GEMIN5: variants seen among roughly 807,000 people sequenced by gnomAD.
GEMIN5 encodes gem-associated protein 5.
Under a neutral mutation model 176.9 loss-of-function variants are expected in GEMIN5, and 124 were observed. That is an observed-to-expected ratio of 0.70 (90% CI 0.61 to 0.81). The LOEUF is 0.81. Among genes scored for constraint, GEMIN5 ranks in the 40% least tolerant of loss-of-function variants. The pLI is 0.00. For synonymous variants in GEMIN5, 673 were observed against 665.2 expected (o/e 1.01, Z -0.18); for missense variants, 1,843 against 1,814.6 (o/e 1.02, Z -0.28).
At chr5:154,928,021 G>A (rs1448474874) in intron 6 of GEMIN5, among the ~76,000 whole-genome samples, 1 of 152,052 alleles carries the variant, frequency 6.6e-6, no homozygotes. Flanking sequence ...TCACAGAAAG[G>A]GGAACCAAGT....
chr5:154,931,477 C>A lies in GEMIN5; in HGVS notation c.762G>T (p.Trp254Cys). The A allele has an allele frequency of 6.2e-7, 1 of 1,612,368 alleles. No individual in the cohort carries two copies. The highest frequency in any genetic ancestry group is 8.5e-7 in the Non-Finnish European group (1 of 1,178,568). ...TGSKDQTIRI[W>C]SCSRGRGVMI... ...TCTTACCTCGGCCTCTAGAACAGCTCCAGATTCGAATGGTTTGATCTTTGC... is the reference window on the plus strand; with the variant it reads ...TCTTACCTCGGCCTCTAGAACAGCTACAGATTCGAATGGTTTGATCTTTGC... Residue 254 changes from tryptophan (W) to cysteine (C), a missense_variant, in exon 5 of 28, where the codon TGG becomes TGT. Trp to Cys is a radical substitution (Grantham distance 215, BLOSUM62 -2). Coordinates refer to ENST00000285873, the MANE Select transcript of GEMIN5 (RefSeq NM_015465.5).
Position 154,924,501 on chromosome 5 carries a change from T to C in GEMIN5, c.1347A>G (p.Gly449=), listed in dbSNP as rs748945297. 35 of 1,611,912 alleles carry C rather than the reference T, an allele frequency of 2.2e-5. No individual in the cohort carries two copies. The highest frequency in any genetic ancestry group is 3.0e-5 in the Non-Finnish European group (35 of 1,178,192). Residue 449 remains glycine, a synonymous_variant, in exon 9 of 28, where the codon GGA becomes GGG. Transcript: ENST00000285873. ...EGCLAFGTDD[G]KVGLYDTYSN... ...AGTAGGTGTCATACAATCCCACTTT[T>C]CCATCATCAGTTCCAAAAGCTAAGC... is the stretch of plus-strand genomic sequence containing the variant.
chr5:154,924,677 A>C, intron 8 of GEMIN5, 123 bp from the exon 9 acceptor site: 1 of 671,836 alleles, frequency 1.5e-6, no homozygotes, highest in Non-Finnish European at 2.6e-6. Flanking sequence ...TTCATTATTT[A>C]AAGGAGAAAA....
intron 3 of GEMIN5, among the ~76,000 whole-genome samples, chr5:154,934,374 C>T (rs1000850399): frequency 1.7e-4 from 26 of 152,082 alleles, no homozygotes; most frequent in African/African-American, 4.6e-4. Flanking sequence ...TTAATAGAGA[C>T]GGGGTTTCTC....
At chr5:154,917,277 T>C (rs1273484673) in intron 12 of GEMIN5, 98 bp from the exon 13 acceptor site, 4 of 587,456 alleles carry the variant, frequency 6.8e-6, no homozygotes, top group Non-Finnish European at 1.1e-5. Flanking sequence ...CAAGGAAAGA[T>C]GAGGTGGAAA....
In GEMIN5 at chr5:154,891,563, G is replaced by T. The variant is rs761914189; in HGVS notation, c.3940C>A (p.Pro1314Thr). ...RAGHRTLSVEPSQQLDTASTE... is the reference protein window; with the variant it reads ...RAGHRTLSVETSQQLDTASTE... ...CTGGCAGTGTCTAACTGCTGGCTTG[G>T]CTCAACAGAGAGTGTTCTGTGACCA... The change falls in exon 26 of 28, where the codon CCA (proline) becomes ACA (threonine). Residue 1314 changes from proline (P) to threonine (T), a missense_variant. Physicochemically the swap from Pro to Thr is conservative, Grantham distance 38. Transcript: ENST00000285873. 3 of 1,614,180 alleles carry T rather than the reference G, an allele frequency of 1.9e-6. No individual in the cohort carries two copies. The South Asian group carries it at 3.3e-5, about 18-fold the overall frequency.
In GEMIN5 at chr5:154,905,480, C is replaced by A; in HGVS notation, c.2396-4G>T. 1 of 1,416,486 alleles carries A rather than the reference C, an allele frequency of 7.1e-7. No individual in the cohort carries two copies. The allele number at this position is 1,416,486 out of a possible 1,614,324, so 87.7% of individuals were successfully genotyped here. A position where few individuals can be genotyped will look rare whatever the true frequency, so the allele number is the denominator to read the frequency against. On this transcript the variant is annotated splice_polypyrimidine_tract_variant and splice_region_variant and intron_variant, in intron 16 of 27. Coordinates refer to ENST00000285873, the MANE Select transcript of GEMIN5 (RefSeq NM_015465.5). ...CAGATAACTGGTTCTCTAGAAACTACATCATGGGGGAAAAAGGAAAAAAAA... is the reference window on the plus strand; with the variant it reads ...CAGATAACTGGTTCTCTAGAAACTAAATCATGGGGGAAAAAGGAAAAAAAA...
chr5:154,916,271 GA>G (rs149760614), intron 13 of GEMIN5, among the ~76,000 whole-genome samples: 1 of 151,804 alleles, frequency 6.6e-6, no homozygotes, highest in African/African-American at 2.4e-5. Flanking sequence ...TAAATTTAGA[GA>G]AAAAAACTGC....
intron 26 of GEMIN5, 33 bp from the exon 27 acceptor site, chr5:154,889,450 G>C: frequency 8.3e-7 from 1 of 1,210,300 alleles, no homozygotes. Context: ...TAAATTGTAT[G>C]TCTTGCCCTG....
rs1040919679 is a variant in GEMIN5, at chr5:154,892,903, C to G, written c.3598-354G>C. 2.0e-5 allele frequency among the ~76,000 whole-genome samples: 3 copies of G among 152,076 alleles called. No homozygotes were observed. The South Asian group carries it at 6.3e-4, about 32-fold the overall frequency. On this transcript the variant is annotated intron_variant, in intron 24 of 27. Transcript: ENST00000285873. ...CACAAGGTCAGGAGTTCAAGACCAG[C>G]CTGGCCAACATGGTGAAACCCCGCC...
chr5:154,888,479 TC>T (rs1328693354), intron 27 of GEMIN5, 102 bp from the exon 28 acceptor site: 172 of 915,112 alleles, frequency 1.9e-4, no homozygotes, highest in Non-Finnish European at 2.7e-4. Flanking sequence ...TATAGACACT[TC>T]TTGGACACAG....
Position 154,899,096 on chromosome 5 carries a change from C to T in GEMIN5, c.3134+95G>A, listed in dbSNP as rs1763413725. ...TTTTAAATAATTCCTTGCTGCTTTA[C>T]CTCCACCTCTAAACTTATTACTTGT... On this transcript the variant is annotated intron_variant, in intron 22 of 27. Transcript: ENST00000285873. 9.9e-6 allele frequency: 12 copies of T among 1,216,774 alleles called. No homozygotes were observed. The South Asian group carries it at 2.0e-4, about 20-fold the overall frequency. The allele number at this position is 1,216,774 out of a possible 1,614,324, so 75.4% of individuals were successfully genotyped here.
rs146357980 is a variant in GEMIN5, at chr5:154,891,606, G to T, written c.3897C>A (p.Ser1299=). The part of the protein sequence containing the change: ...WWSLSRPCPN[S]SVWVRAGHRT... ...TGTGACCAGCCCTTACCCAGACACTGGAATTTGGGCAAGGTCTGGAGAGAG... is the reference window on the plus strand; with the variant it reads ...TGTGACCAGCCCTTACCCAGACACTTGAATTTGGGCAAGGTCTGGAGAGAG... Residue 1299 remains serine (S), a synonymous_variant, in exon 26 of 28, where the codon TCC becomes TCA. Transcript: ENST00000285873. The T allele has an allele frequency of 6.2e-7, 1 of 1,613,980 alleles. No homozygotes were observed. Among genetic ancestry groups the T allele is most frequent in the African/African-American group, 1.3e-5 (1 of 74,876 alleles).
intron 11 of GEMIN5, 79 bp downstream of exon 11, chr5:154,919,888 A>C: frequency 1.6e-6 from 2 of 1,234,640 alleles, no homozygotes; most frequent in Non-Finnish European, 2.3e-6. Context: ...CTCCAATAAC[A>C]GCATTTATTT....
intron 13 of GEMIN5, among the ~76,000 whole-genome samples, chr5:154,915,991 T>C (rs1763801639): frequency 6.6e-6 from 1 of 152,160 alleles, no homozygotes; most frequent in Admixed American, 6.5e-5. Flanking sequence ...TGTCATTTAA[T>C]TGTGGAATGG....
intron 6 of GEMIN5, 145 bp downstream of exon 6, chr5:154,928,382 C>G (rs866227968): frequency 2.9e-4 from 204 of 707,884 alleles, no homozygotes; most frequent in Middle Eastern, 4.1e-4. Flanking sequence ...TAGTAGATAG[C>G]ACAGGCATTA....
rs77711671 is a variant in GEMIN5, at chr5:154,898,571, C to T, written c.3214G>A (p.Ala1072Thr). 1.6e-4 allele frequency: 256 copies of T among 1,614,200 alleles called. No individual in the cohort carries two copies. The East Asian group carries it at 5.3e-3, about 34-fold the overall frequency. The change falls in exon 23 of 28, where the codon GCA becomes ACA. Residue 1072 changes from alanine (A) to threonine (T), a missense_variant. Coordinates refer to ENST00000285873, the MANE Select transcript of GEMIN5 (RefSeq NM_015465.5). ...KGDAASLRTA[A>T]ELAAIVGEDE... ...TCTCCTACGATGGCAGCCAACTCTG[C>T]AGCCGTTCTAAGTGATGCCGCATCC...
chr5:154,926,893 C>T (rs962534384), intron 7 of GEMIN5, among the ~76,000 whole-genome samples: 1 of 152,034 alleles, frequency 6.6e-6, no homozygotes, highest in African/African-American at 2.4e-5. Flanking sequence ...AAAACACACA[C>T]AAAAAATTAG....
At chr5:154,916,411 T>C (rs939029647) in intron 13 of GEMIN5, among the ~76,000 whole-genome samples, 4 of 152,222 alleles carry the variant, frequency 2.6e-5, no homozygotes, top group African/African-American at 7.2e-5. Context: ...GCTATGACTT[T>C]ATAAAATCTA....
Sources: allele counts gnomAD v4.1 joint callset (sites outside exome capture counted in the v4.1 genomes callset), GRCh38; gene constraint gnomAD v4.1.1; transcripts MANE v1.5; gene names NCBI Gene and HGNC (gene_info 2026-07-23, HGNC 2026-07-21).